The following NTAQ1 variants were observed in gnomAD, a reference collection of about 807,000 sequenced individuals.
The protein encoded by NTAQ1 is protein N-terminal glutamine amidohydrolase.
Under a neutral mutation model 28.2 loss-of-function variants are expected in NTAQ1, and 21 were observed. That is an observed-to-expected ratio of 0.74 (90% confidence interval 0.53 to 1.07). The LOEUF (loss-of-function observed/expected upper bound fraction) is 1.07, where lower values mean the gene tolerates loss of function less well. NTAQ1 is among the 50% of genes least tolerant of loss of function. The probability of loss-of-function intolerance (pLI) is 0.00; values close to 1 mark genes in which losing one functional copy is unlikely to be tolerated. For missense variants in NTAQ1, 264 were observed against 256.6 expected (o/e 1.03, Z -0.20); for synonymous variants, 105 against 90.0 (o/e 1.17, Z -0.94).
chr8:123,439,640 C>T (rs1249366037), intron 5 of NTAQ1, among the ~76,000 whole-genome samples: 6 of 151,944 alleles, frequency 3.9e-5, no homozygotes, highest in Non-Finnish European at 8.8e-5. Context: ...GCCACCGCGC[C>T]GGCCACACCT....
At chr8:123,418,142 C>T (rs1281628521) in intron 1 of NTAQ1, among the ~76,000 whole-genome samples, 1 of 152,172 alleles carries the variant, frequency 6.6e-6, no homozygotes, top group Non-Finnish European at 1.5e-5. Flanking sequence ...TCCCTTGGTT[C>T]TTTCATTTTG....
At chr8:123,437,880 T>C (rs1037442447) in intron 5 of NTAQ1, among the ~76,000 whole-genome samples, 6 of 152,114 alleles carry the variant, frequency 3.9e-5, no homozygotes, top group African/African-American at 1.4e-4. Flanking sequence ...CCAGGGCACC[T>C]GCAAACTGCT....
downstream of NTAQ1, among the ~76,000 whole-genome samples, chr8:123,446,690 C>T (rs1815304917): frequency 1.3e-5 from 2 of 152,212 alleles, no homozygotes; most frequent in Non-Finnish European, 2.9e-5. Context: ...TCAGTGCCAT[C>T]TTCAAAGCAG....
chr8:123,417,763 A>G lies in NTAQ1; in HGVS notation c.83+831A>G, dbSNP rs948028548. Among the ~76,000 whole-genome samples the G allele has an allele frequency of 8.5e-5, 13 of 152,198 alleles. 1 individual carries two copies. Among genetic ancestry groups the G allele is most frequent in the African/African-American group, 3.1e-4 (13 of 41,520 alleles). Reference sequence around the variant, plus strand: ...TTAACATTTGTTCGGCCCTGATTGCATGTCAGGCTCAGTGGCAGGTGCTTC... The same window carrying G: ...TTAACATTTGTTCGGCCCTGATTGCGTGTCAGGCTCAGTGGCAGGTGCTTC... On this transcript the variant is annotated intron_variant, in intron 1 of 5. Coordinates refer to ENST00000287387, the MANE Select transcript of NTAQ1 (RefSeq NM_018024.3).
At chr8:123,430,903 C>T (rs891373088) in intron 3 of NTAQ1, among the ~76,000 whole-genome samples, 1 of 152,182 alleles carries the variant, frequency 6.6e-6, no homozygotes, top group Non-Finnish European at 1.5e-5. Context: ...TACTCCCACC[C>T]CTTTATTTTT....
At chr8:123,425,441 A>G (rs1043066706) in intron 1 of NTAQ1, among the ~76,000 whole-genome samples, 1 of 151,572 alleles carries the variant, frequency 6.6e-6, no homozygotes, top group Non-Finnish European at 1.5e-5. Context: ...TGAAGTAGTC[A>G]GTAGCAGTAG....
At position 123,441,476 on chromosome 8, in the gene NTAQ1, A is replaced by G; in HGVS notation, c.*61A>G. The G allele has an allele frequency of 1.5e-6, 2 of 1,313,486 alleles. No homozygotes were observed. Among genetic ancestry groups the G allele is most frequent in the Non-Finnish European group, 2.2e-6 (2 of 920,634 alleles). The allele number at this position is 1,313,486 out of a possible 1,614,324, so 81.4% of individuals were successfully genotyped here. A position where few individuals can be genotyped will look rare whatever the true frequency, so the allele number is the denominator to read the frequency against. On this transcript the variant is annotated 3_prime_UTR_variant, in exon 6 of 6. Transcript: ENST00000287387. ...TAGGACATGAACAAGCTATCCTTTCATCGAGGACAGCAAACATTATGGTAC... is the reference window on the plus strand; with the variant it reads ...TAGGACATGAACAAGCTATCCTTTCGTCGAGGACAGCAAACATTATGGTAC...
intron 3 of NTAQ1, among the ~76,000 whole-genome samples, chr8:123,430,658 G>C (rs150719153): frequency 6.6e-6 from 1 of 152,190 alleles, no homozygotes; most frequent in Non-Finnish European, 1.5e-5. Flanking sequence ...GCACTCACCT[G>C]TAGTCCCAGC....
intron 6 of NTAQ1, among the ~76,000 whole-genome samples, chr8:123,462,317 G>A (rs1314606753): frequency 2.0e-5 from 3 of 152,114 alleles, no homozygotes; most frequent in Non-Finnish European, 2.9e-5. Flanking sequence ...CAAAGTGTTG[G>A]GATTACAGGC....
At chr8:123,475,207 A>T in the NTAQ1 span, among the ~76,000 whole-genome samples, 2 of 152,246 alleles carry the variant, frequency 1.3e-5, no homozygotes, top group Non-Finnish European at 2.9e-5. Flanking sequence ...GAGCTTAAAC[A>T]GGTTGGCTCC....
downstream of NTAQ1, among the ~76,000 whole-genome samples, chr8:123,473,760 C>CA (rs1482234510): frequency 6.6e-6 from 1 of 152,162 alleles, no homozygotes; most frequent in Non-Finnish European, 1.5e-5. Context: ...TAGGTTATAA[C>CA]AAAAGTTGAC....
downstream of NTAQ1, among the ~76,000 whole-genome samples, chr8:123,451,788 C>T (rs1815502311): frequency 6.6e-6 from 1 of 152,206 alleles, no homozygotes; most frequent in Non-Finnish European, 1.5e-5. Context: ...ACTCCTGTCA[C>T]CAAAGGGGTC....
chr8:123,462,487 T>G (rs1016175686), intron 6 of NTAQ1, among the ~76,000 whole-genome samples: 1 of 152,216 alleles, frequency 6.6e-6, no homozygotes, highest in Admixed American at 6.5e-5. Context: ...CTAGGACTTC[T>G]AAGGCACTCT....
intron 1 of NTAQ1, among the ~76,000 whole-genome samples, chr8:123,422,282 G>GT (rs35588966): frequency 0.027 from 3,928 of 145,378 alleles, 164 homozygotes; most frequent in African/African-American, 0.088. Context: ...TTTGTTTTGG[G>GT]TTTTTTTTTT....
intron 6 of NTAQ1, among the ~76,000 whole-genome samples, chr8:123,457,230 C>T (rs1184976360): frequency 6.6e-6 from 1 of 152,106 alleles, no homozygotes; most frequent in Admixed American, 6.6e-5. Flanking sequence ...CCATGCCCAG[C>T]TAATTTTTGT....
rs769951180 is a variant in NTAQ1 at position 123,436,413 on chromosome 8, A to G, written c.235-40A>G. 1.8e-5 allele frequency: 29 copies of G among 1,596,814 alleles called. No homozygotes were observed. The Admixed American group carries it at 4.9e-4, about 27-fold the overall frequency. ...GTCTGAATACTGGGATTTCATCATT[A>G]TGAAGTAACTTGGTTAACTTCAGCA... is the stretch of plus-strand genomic sequence containing the variant. On this transcript the variant is annotated intron_variant, in intron 3 of 5. Transcript: ENST00000287387.
intron 6 of NTAQ1, among the ~76,000 whole-genome samples, chr8:123,459,197 G>T (rs1815745083): frequency 6.6e-6 from 1 of 151,720 alleles, no homozygotes; most frequent in African/African-American, 2.4e-5. Flanking sequence ...AGTGAGCCGT[G>T]ATTATGCCAC....
chr8:123,433,532 C>T (rs1814519073), intron 3 of NTAQ1, among the ~76,000 whole-genome samples: 1 of 152,194 alleles, frequency 6.6e-6, no homozygotes, highest in Non-Finnish European at 1.5e-5. Context: ...AGTGCAACCT[C>T]TGTCTCCTGG....
intron 1 of NTAQ1, among the ~76,000 whole-genome samples, chr8:123,425,080 T>C (rs899868079): frequency 1.3e-5 from 2 of 152,144 alleles, no homozygotes; most frequent in African/African-American, 4.8e-5. Context: ...CCATATGTCA[T>C]GTTGAAACAG....
Sources: gnomAD v4.1 joint callset for allele counts (sites outside exome capture counted in the v4.1 genomes callset) on GRCh38, gnomAD v4.1.1 for gene constraint, MANE v1.5 for transcripts, NCBI Gene and HGNC (gene_info 2026-07-23, HGNC 2026-07-21) for gene names.